PCDHGA3: variants seen among roughly 807,000 people sequenced by gnomAD.
PCDHGA3 encodes the protein protocadherin gamma-A3.
PCDHGA3 carries 40 observed loss-of-function variants against 58.5 expected under a neutral mutation model. That is an observed-to-expected ratio of 0.68 (90% CI 0.53 to 0.89). PCDHGA3 has a LOEUF of 0.89. Ranked by LOEUF, PCDHGA3 falls within the 40% of genes least tolerant of loss-of-function variation. The pLI is 0.00. For synonymous variants in PCDHGA3, 530 were observed against 525.7 expected, an observed-to-expected ratio of 1.01 and a Z score of -0.11; for missense variants, 1,223 against 1,195.9, an observed-to-expected ratio of 1.02 and a Z score of -0.33.
At chr5:141,475,145 C>T (rs1214674720) in intron 1 of PCDHGA3, among the ~76,000 whole-genome samples, 2 of 151,980 alleles carry the variant, frequency 1.3e-5, no homozygotes, top group Non-Finnish European at 1.5e-5. Flanking sequence ...AAATCTTCTC[C>T]GTCTTCTTCT....
At chr5:141,362,524 G>A (rs748249722) in intron 1 of PCDHGA3, 1 of 1,613,964 alleles carries the variant, frequency 6.2e-7, no homozygotes, top group Non-Finnish European at 8.5e-7. Context: ...TGGAGCCGCT[G>A]GGGTCCCTTT....
At chr5:141,390,854 T>G (rs1366490028) in intron 1 of PCDHGA3, 1 of 157,616 alleles carries the variant, frequency 6.3e-6, no homozygotes, top group Non-Finnish European at 1.4e-5. Context: ...ATATGCAGTG[T>G]ACGCTGTGTG....
At chr5:141,419,521 C>A (rs1418329404) in intron 1 of PCDHGA3, 1 of 1,612,240 alleles carries the variant, frequency 6.2e-7, no homozygotes, top group Non-Finnish European at 8.5e-7. Context: ...TGGTGGGCGA[C>A]CGTAACGACA....
chr5:141,490,923 C>T lies in PCDHGA3; in HGVS notation c.2425-3884C>T. The T allele has an allele frequency of 6.2e-7, 1 of 1,613,668 alleles. No homozygotes were observed. Among genetic ancestry groups the T allele is most frequent in the South Asian group, 1.1e-5 (1 of 91,050 alleles). On this transcript the variant is annotated intron_variant, in intron 1 of 3. Coordinates refer to ENST00000253812, the MANE Select transcript of PCDHGA3 (RefSeq NM_018916.4). The surrounding 1 kb of genome is among the most constrained non-coding windows in gnomAD (Gnocchi z 5.4). ...TTGTCCTAGACGAGAATGATAATGC[C>T]CCAGCTGTGCTGCACCCACGGCCAG...
intron 1 of PCDHGA3, among the ~76,000 whole-genome samples, chr5:141,347,066 CCTTCCT>C (rs1561493179): frequency 1.3e-5 from 2 of 149,860 alleles, no homozygotes; most frequent in African/African-American, 4.9e-5. Flanking sequence ...TTCCTTCCTT[CCTTCCT>C]CTCTCTCTTT....
intron 1 of PCDHGA3, chr5:141,393,683 G>A (rs370409157): frequency 9.9e-6 from 16 of 1,613,730 alleles, no homozygotes; most frequent in South Asian, 8.8e-5. Context: ...AACAAACTCC[G>A]TTATTCCAGC....
At chr5:141,346,495 A>G (rs1256141676) in intron 1 of PCDHGA3, 38 bp downstream of exon 1, 2 of 1,612,164 alleles carry the variant, frequency 1.2e-6, no homozygotes, top group Admixed American at 3.3e-5. Flanking sequence ...AAGAACAAAT[A>G]TGAGAATGTG....
Position 141,459,563 on chromosome 5 carries a change from C to T in PCDHGA3, c.2425-35244C>T, listed in dbSNP as rs1382676727. On this transcript the variant is annotated intron_variant, in intron 1 of 3. Coordinates refer to ENST00000253812, the MANE Select transcript of PCDHGA3 (RefSeq NM_018916.4). ...TTTTATTTCTCTTGGATAAATACCCCAAAACAGAATTGTTTTGGGGGTCAT... is the reference window on the plus strand; with the variant it reads ...TTTTATTTCTCTTGGATAAATACCCTAAAACAGAATTGTTTTGGGGGTCAT... Among the ~76,000 whole-genome samples, 21 of 152,044 alleles carry T rather than the reference C, an allele frequency of 1.4e-4. 1 individual carries two copies.
At chr5:141,370,796 C>T (rs1460787163) in intron 1 of PCDHGA3, 2 of 1,613,888 alleles carry the variant, frequency 1.2e-6, no homozygotes, top group Non-Finnish European at 1.7e-6. Context: ...CGACCTTTAG[C>T]CAAAATATCA....
rs773389466 is a variant in PCDHGA3, at chr5:141,388,420, C to T, written c.2424+41963C>T. The T allele has an allele frequency of 3.1e-6, 5 of 1,613,778 alleles. No homozygotes were observed. The South Asian group carries it at 4.4e-5, about 14-fold the overall frequency. ...CAACTCAGTCCCAGTGATCATTTCT[C>T]ACTGATAAATAAAGAGAAATCAGAT... On this transcript the variant is annotated intron_variant, in intron 1 of 3. Coordinates refer to ENST00000253812, the MANE Select transcript of PCDHGA3 (RefSeq NM_018916.4).
intron 1 of PCDHGA3, chr5:141,379,090 T>C (rs1029371266): frequency 6.6e-6 from 1 of 152,210 alleles, no homozygotes; most frequent in Non-Finnish European, 1.5e-5. Context: ...GTTATGAATG[T>C]GTAAGAAAAA....
intron 1 of PCDHGA3, chr5:141,404,379 C>T (rs548569433): frequency 6.2e-7 from 1 of 1,613,940 alleles, no homozygotes; most frequent in African/African-American, 1.3e-5. Flanking sequence ...TCCGTGATTG[C>T]CTATGACCCT....
intron 1 of PCDHGA3, among the ~76,000 whole-genome samples, chr5:141,435,500 A>G (rs896915416): frequency 6.6e-6 from 1 of 152,176 alleles, no homozygotes; most frequent in African/African-American, 2.4e-5. Context: ...TCCTACACTA[A>G]TGATACTAAT....
Position 141,431,054 on chromosome 5 carries a change from G to A in PCDHGA3, c.2425-63753G>A, listed in dbSNP as rs532584174. 1 of 1,614,198 alleles carries A rather than the reference G, an allele frequency of 6.2e-7. No individual in the cohort carries two copies. Among genetic ancestry groups the A allele is most frequent in the African/African-American group, 1.3e-5 (1 of 75,076 alleles). ...AGACCGGGAGGAGCTCTGTATGGGG[G>A]CCATCAAGTGTCAATTAAATCTAGA... On this transcript the variant is annotated intron_variant, in intron 1 of 3. Transcript: ENST00000253812. This position sits in a 1 kb window ranked among gnomAD's most constrained non-coding sequence, Gnocchi z 4.8.
chr5:141,425,566 G>T (rs532293951), intron 1 of PCDHGA3, among the ~76,000 whole-genome samples: 1 of 152,348 alleles, frequency 6.6e-6, no homozygotes, highest in Admixed American at 6.5e-5. Context: ...TAAGTGATAA[G>T]AAGGGTTTGG....
intron 1 of PCDHGA3, chr5:141,364,853 A>G (rs1352459567): frequency 6.2e-7 from 1 of 1,614,022 alleles, no homozygotes; most frequent in Non-Finnish European, 8.5e-7. Context: ...GCTCAGCTCC[A>G]ATCTGCACTT....
intron 3 of PCDHGA3, among the ~76,000 whole-genome samples, chr5:141,509,518 T>A (rs1441963133): frequency 6.6e-6 from 1 of 152,170 alleles, no homozygotes; most frequent in Non-Finnish European, 1.5e-5. Context: ...GTTGATGATG[T>A]ATTGCACAGG....
intron 1 of PCDHGA3, among the ~76,000 whole-genome samples, chr5:141,406,564 C>T (rs1475993893): frequency 6.6e-6 from 1 of 152,164 alleles, no homozygotes; most frequent in African/African-American, 2.4e-5. Flanking sequence ...CACTTCCAAA[C>T]CCTAGTAAAC....
rs1345800081 is a variant in PCDHGA3, at chr5:141,485,453, G to A, written c.2425-9354G>A. 1 of 1,614,176 alleles carries A rather than the reference G, an allele frequency of 6.2e-7. No homozygotes were observed. The highest frequency in any genetic ancestry group is 8.5e-7 in the Non-Finnish European group (1 of 1,180,036). On this transcript the variant is annotated intron_variant, in intron 1 of 3. Transcript: ENST00000253812. The surrounding 1 kb of genome is among the most constrained non-coding windows in gnomAD (Gnocchi z 5.7). ...CATCAAGAACCCAATCGACCGAGAG[G>A]CACTGTGTGGGCTCAGTGCCAGCTG...
Sources: allele counts gnomAD v4.1 joint callset (sites outside exome capture counted in the v4.1 genomes callset), GRCh38; gene constraint gnomAD v4.1.1; non-coding constraint Gnocchi (gnomAD v3.1); transcripts MANE v1.5; gene names NCBI Gene and HGNC (gene_info 2026-07-23, HGNC 2026-07-21).